The following EXOSC10 variants were observed in gnomAD, a reference collection of about 807,000 sequenced individuals.
The protein encoded by EXOSC10 is exosome component 10.
A neutral mutation model predicts 126.6 loss-of-function variants in EXOSC10; 94 were observed. That is an observed-to-expected ratio of 0.74 (90% confidence interval 0.63 to 0.88). The LOEUF (loss-of-function observed/expected upper bound fraction) is 0.88, where lower values mean the gene tolerates loss of function less well. EXOSC10 is among the 40% of genes least tolerant of loss of function. The pLI is 0.00. For synonymous variants in EXOSC10, 395 were observed against 400.8 expected, an observed-to-expected ratio of 0.99 and a Z score of 0.17; for missense variants, 1,041 against 1,100.5, an observed-to-expected ratio of 0.95 and a Z score of 0.77.
At chr1:11,079,582 C>T (rs1292601627) in intron 14 of EXOSC10, 129 bp downstream of exon 14, 27 of 663,910 alleles carry the variant, frequency 4.1e-5, no homozygotes, top group South Asian at 5.3e-5. Context: ...TTAGTAGAGA[C>T]GGGGTTTCAC....
chr1:11,098,124 C>CT lies in EXOSC10; in HGVS notation c.143dup (p.Ala49GlyfsTer11). 1 of 1,611,420 alleles carries CT rather than the reference C, an allele frequency of 6.2e-7. No individual in the cohort carries two copies. Among genetic ancestry groups the CT allele is most frequent in the Non-Finnish European group, 8.5e-7 (1 of 1,179,250 alleles). On this transcript the variant is annotated frameshift_variant, in exon 2 of 25. Coordinates refer to ENST00000376936, the MANE Select transcript of EXOSC10 (RefSeq NM_001001998.3). LOFTEE classifies it high-confidence loss of function. ...CAAACTGTGGTAGGCCCCCAGATGC[C>CT]TTGGTGACTGCCACCACGGACCCAA...
At chr1:11,070,608 C>A in intron 21 of EXOSC10, 1 of 311,278 alleles carries the variant, frequency 3.2e-6, no homozygotes. Context: ...CACAGCAGGA[C>A]ACACAACAAG....
chr1:11,076,763 C>T, intron 17 of EXOSC10, 79 bp downstream of exon 17: 1 of 1,119,790 alleles, frequency 8.9e-7, no homozygotes, highest in Non-Finnish European at 1.3e-6. Context: ...TGCAATGCTC[C>T]AGGCAGACAG....
chr1:11,098,048 C>A lies in EXOSC10; in HGVS notation c.220G>T (p.Glu74Ter). 6.2e-7 allele frequency: 1 copy of A among 1,611,836 alleles called. No individual in the cohort carries two copies. Among genetic ancestry groups the A allele is most frequent in the Non-Finnish European group, 8.5e-7 (1 of 1,179,326 alleles). The change falls in exon 2 of 25, where the codon GAA becomes TAA. Residue 74 changes from glutamate to a stop codon, truncating the protein, a stop_gained. Transcript: ENST00000376936. LOFTEE classifies it high-confidence loss of function. Reference protein sequence around the residue: ...RSFPGFQAFCETQGDRLLQCM... With the variant: ...RSFPGFQAFC ...TGAAGCAACCTGTCTCCCTGTGTTTCGCAAAATGCTTGGAAGCCAGGAAAA... is the reference window on the plus strand; with the variant it reads ...TGAAGCAACCTGTCTCCCTGTGTTTAGCAAAATGCTTGGAAGCCAGGAAAA...
rs1553164212 is a variant in EXOSC10, at chr1:11,069,259, G to GAGAGAGAGAGAGAGAGAGAGAGAGA, written c.2488+299_2488+300insTCTCTCTCTCTCTCTCTCTCTCTCT. Among the ~76,000 whole-genome samples the GAGAGAGAGAGAGAGAGAGAGAGAGA allele has an allele frequency of 5.3e-5, 7 of 132,484 alleles. 1 individual carries two copies. Among genetic ancestry groups the GAGAGAGAGAGAGAGAGAGAGAGAGA allele is most frequent in the East Asian group, 4.6e-4 (2 of 4,372 alleles). 86.9% of individuals were successfully genotyped at this position (132,484 alleles called of 152,430 possible). A position where few individuals can be genotyped will look rare whatever the true frequency, so the allele number is the denominator to read the frequency against. On this transcript the variant is annotated intron_variant, in intron 22 of 24. Transcript: ENST00000376936. ...TGTGTGTGTGTGAGAGAGAGAGAGA[G>GAGAGAGAGAGAGAGAGAGAGAGAGA]GGTTTATGGGCACAAGTTATAGTGA...
At chr1:11,067,157 C>T (rs913277725) in intron 24 of EXOSC10, among the ~76,000 whole-genome samples, 9 of 152,024 alleles carry the variant, frequency 5.9e-5, no homozygotes, top group Non-Finnish European at 1.0e-4. Flanking sequence ...ACAGGCCGGG[C>T]GCGGTGGCTC....
intron 8 of EXOSC10, 23 bp downstream of exon 8, chr1:11,087,777 A>C (rs1640577357): frequency 5.7e-6 from 9 of 1,579,770 alleles, no homozygotes; most frequent in Non-Finnish European, 7.8e-6. Flanking sequence ...TAAAAATTTT[A>C]CCCAGGGTCA....
Position 11,095,116 on chromosome 1 carries a change from G to T in EXOSC10, c.372+642C>A, listed in dbSNP as rs191746226. On this transcript the variant is annotated intron_variant, in intron 3 of 24. Coordinates refer to ENST00000376936, the MANE Select transcript of EXOSC10 (RefSeq NM_001001998.3). ...AATCCCAGCTACTCCGGAGGCTGAGGTAGGAGAATCGCTTGAACCTGGGAG... is the reference window on the plus strand; with the variant it reads ...AATCCCAGCTACTCCGGAGGCTGAGTTAGGAGAATCGCTTGAACCTGGGAG... Among the ~76,000 whole-genome samples, 1,194 of 151,342 alleles carry T rather than the reference G, an allele frequency of 7.9e-3. 22 individuals are homozygous for T. The highest frequency in any genetic ancestry group is 0.027 in the African/African-American group (1,127 of 41,222).
chr1:11,091,614 T>C lies in EXOSC10; in HGVS notation c.373-17A>G. 1 of 1,592,820 alleles carries C rather than the reference T, an allele frequency of 6.3e-7. No homozygotes were observed. The highest frequency in any genetic ancestry group is 1.3e-5 in the African/African-American group (1 of 74,476). ...TAAAATACCCTAAGAGTAGAAGAGG[T>C]ACTGGTTAAGCATTTTTCCTTTTGA... On this transcript the variant is annotated splice_polypyrimidine_tract_variant and intron_variant, in intron 3 of 24. Coordinates refer to ENST00000376936, the MANE Select transcript of EXOSC10 (RefSeq NM_001001998.3).
chr1:11,087,866 G>A lies in EXOSC10; in HGVS notation c.879C>T (p.Ser293=), dbSNP rs1467589420. ...IEETPCHFIS[S]LDELVELNEK... is the part of the protein sequence containing the mutation. Reference sequence around the variant, plus strand: ...CGTTGAGTTCCACGAGTTCATCCAGGGAGGATATGAAATGGCATGGTGTCT... The same window carrying A: ...CGTTGAGTTCCACGAGTTCATCCAGAGAGGATATGAAATGGCATGGTGTCT... Residue 293 remains serine (S), a synonymous_variant, in exon 8 of 25, where the codon TCC becomes TCT. Coordinates refer to ENST00000376936, the MANE Select transcript of EXOSC10 (RefSeq NM_001001998.3). The A allele has an allele frequency of 6.2e-7, 1 of 1,613,590 alleles. No individual in the cohort carries two copies. The highest frequency in any genetic ancestry group is 8.5e-7 in the Non-Finnish European group (1 of 1,179,800).
chr1:11,089,386 G>A (rs1418137226), intron 6 of EXOSC10, among the ~76,000 whole-genome samples: 1 of 151,528 alleles, frequency 6.6e-6, no homozygotes, highest in East Asian at 1.9e-4. Context: ...AAGGAGGGTG[G>A]ATCAACTGAA....
chr1:11,071,091 C>G, intron 20 of EXOSC10, 118 bp from the exon 21 acceptor site: 4 of 817,096 alleles, frequency 4.9e-6, no homozygotes, highest in Non-Finnish European at 5.9e-6. Context: ...ATTCCTCCTC[C>G]CTCTCAGGTC....
At chr1:11,090,445 G>T in intron 6 of EXOSC10, 109 bp downstream of exon 6, 1 of 889,874 alleles carries the variant, frequency 1.1e-6, no homozygotes, top group Non-Finnish European at 1.8e-6. Context: ...GGTGTAAGGA[G>T]GAAATCACTA....
At position 11,081,196 on chromosome 1, in the gene EXOSC10, G is replaced by T. The variant is rs761411679; in HGVS notation, c.1323C>A (p.Thr441=). The T allele has an allele frequency of 6.2e-7, 1 of 1,614,180 alleles. No individual in the cohort carries two copies. Among genetic ancestry groups the T allele is most frequent in the Admixed American group, 1.7e-5 (1 of 60,016 alleles). Residue 441 remains threonine (T), a synonymous_variant, in exon 11 of 25, where the codon ACC becomes ACA. Coordinates refer to ENST00000376936, the MANE Select transcript of EXOSC10 (RefSeq NM_001001998.3). ...EEMLSYARDD[T]HYLLYIYDKM... is the part of the protein sequence containing the mutation. ...TGTCATAGATATATAGCAGGTAATG[G>T]GTGTCATCCCGGGCGTAGCTGAGCA...
chr1:11,085,504 C>T (rs1448841732), intron 9 of EXOSC10, among the ~76,000 whole-genome samples: 10 of 152,150 alleles, frequency 6.6e-5, no homozygotes, highest in Non-Finnish European at 1.5e-4. Flanking sequence ...TGCTTATCAG[C>T]TTAAGGAGAT....
chr1:11,066,806 T>C (rs960578130), intron 24 of EXOSC10, 58 bp from the exon 25 acceptor site: 3 of 1,592,686 alleles, frequency 1.9e-6, no homozygotes, highest in Non-Finnish European at 1.7e-6. Context: ...TGTTCTCAGA[T>C]GGTTTACAAA....
intron 3 of EXOSC10, among the ~76,000 whole-genome samples, chr1:11,092,031 T>C (rs1369831990): frequency 1.3e-5 from 2 of 152,188 alleles, no homozygotes; most frequent in African/African-American, 2.4e-5. Context: ...TCAGAGACAT[T>C]TGTGTAAGAA....
In EXOSC10 at chr1:11,090,669, C is replaced by A; in HGVS notation, c.644-1G>T. 6.2e-7 allele frequency: 1 copy of A among 1,600,676 alleles called. No homozygotes were observed. The highest frequency in any genetic ancestry group is 8.5e-7 in the Non-Finnish European group (1 of 1,171,846). On this transcript the variant is annotated splice_acceptor_variant, in intron 5 of 24. Coordinates refer to ENST00000376936, the MANE Select transcript of EXOSC10 (RefSeq NM_001001998.3). LOFTEE classifies it high-confidence loss of function. ...CGTTCCCGCCTTTCCTTAGAGAGAG[C>A]TGGGGATCCCAGCAGTGACAAAAAC...
At chr1:11,077,719 A>G (rs1639900301) in intron 14 of EXOSC10, 68 bp from the exon 15 acceptor site, 12 of 1,425,330 alleles carry the variant, frequency 8.4e-6, no homozygotes, top group African/African-American at 4.3e-5. Flanking sequence ...CCCAGTCTCC[A>G]GCGCTGACTG....
Sources: allele counts gnomAD v4.1 joint callset (sites outside exome capture counted in the v4.1 genomes callset), GRCh38; gene constraint gnomAD v4.1.1; transcripts MANE v1.5; gene names NCBI Gene and HGNC (gene_info 2026-07-23, HGNC 2026-07-21).